The following RBM20 variants were observed in gnomAD, a reference collection of about 807,000 sequenced individuals.
RBM20 encodes RNA-binding protein 20.
In RBM20, 51 loss-of-function variants were observed where a neutral mutation model predicts 110.1. The observed-to-expected ratio is 0.46, with a 90% CI of 0.37 to 0.59. RBM20 has a LOEUF of 0.59. Ranked by LOEUF, RBM20 falls within the 20% of genes least tolerant of loss-of-function variation. The pLI is 0.00. For synonymous variants in RBM20, 589 were observed against 618.2 expected, an observed-to-expected ratio of 0.95 and a Z score of 0.70; for missense variants, 1,512 against 1,574.9, an observed-to-expected ratio of 0.96 and a Z score of 0.68.
At position 110,815,072 on chromosome 10, in the gene RBM20, A is replaced by G. The variant is rs1173185304; in HGVS notation, c.2550+2125A>G. On this transcript the variant is annotated intron_variant, in intron 9 of 13. Transcript: ENST00000369519. Reference sequence around the variant, plus strand: ...CAGGCAATCAGGAATGCTAAAATGAATTTGCTAATAGGTGTAAAAGTGGCC... The same window carrying G: ...CAGGCAATCAGGAATGCTAAAATGAGTTTGCTAATAGGTGTAAAAGTGGCC... Among the ~76,000 whole-genome samples, 55 of 152,338 alleles carry G rather than the reference A, an allele frequency of 3.6e-4. 1 individual carries two copies. Among genetic ancestry groups the G allele is most frequent in the East Asian group, 1.9e-4 (1 of 5,192 alleles).
intron 8 of RBM20, 45 bp from the exon 9 acceptor site, chr10:110,812,233 G>T (rs192500898): frequency 6.8e-7 from 1 of 1,473,888 alleles, no homozygotes; most frequent in South Asian, 1.3e-5. Flanking sequence ...GGGGTGGGAT[G>T]GGAGGTGTGA....
intron 1 of RBM20, among the ~76,000 whole-genome samples, chr10:110,671,107 A>C (rs539423232): frequency 6.6e-6 from 1 of 152,224 alleles, no homozygotes; most frequent in Admixed American, 6.5e-5. Flanking sequence ...AACGTCTCCA[A>C]TCAGGAAACA....
chr10:110,722,918 C>T (rs1843524386), intron 1 of RBM20, among the ~76,000 whole-genome samples: 1 of 152,012 alleles, frequency 6.6e-6, no homozygotes, highest in South Asian at 2.1e-4. Flanking sequence ...TTGAGATTAG[C>T]CTGGCCAAAA....
At chr10:110,757,737 G>A (rs557704171) in intron 1 of RBM20, among the ~76,000 whole-genome samples, 1 of 152,294 alleles carries the variant, frequency 6.6e-6, no homozygotes, top group African/African-American at 2.4e-5. Context: ...TGTTCCTAGA[G>A]GAGAATTAGA....
chr10:110,821,349 A>G lies in RBM20; in HGVS notation c.2730A>G (p.Thr910=). Residue 910 remains threonine (T), a synonymous_variant, in exon 11 of 14, where the codon ACA becomes ACG. Transcript: ENST00000369519. ...WYPTNMEELV[T]VDEVGEEEDF... is the part of the protein sequence containing the mutation. ...CCACTAACATGGAGGAGCTGGTGAC[A>G]GTGGACGAGGTTGGGGAAGAAGAAG... is the stretch of plus-strand genomic sequence containing the variant. 1 of 1,551,778 alleles carries G rather than the reference A, an allele frequency of 6.4e-7. No individual in the cohort carries two copies. Among genetic ancestry groups the G allele is most frequent in the African/African-American group, 1.4e-5 (1 of 73,186 alleles).
chr10:110,741,828 C>A (rs1304286938), intron 1 of RBM20, among the ~76,000 whole-genome samples: 1 of 152,040 alleles, frequency 6.6e-6, no homozygotes, highest in Non-Finnish European at 1.5e-5. Flanking sequence ...CCTCCCTCCC[C>A]AGGAGAGCCC....
chr10:110,740,759 T>C lies in RBM20; in HGVS notation c.192-40042T>C, dbSNP rs542316195. Among the ~76,000 whole-genome samples, 5 of 152,310 alleles carry C rather than the reference T, an allele frequency of 3.3e-5. No homozygotes were observed. The South Asian group carries it at 1.0e-3, about 32-fold the overall frequency. On this transcript the variant is annotated intron_variant, in intron 1 of 13. Coordinates refer to ENST00000369519, the MANE Select transcript of RBM20 (RefSeq NM_001134363.3). ...AGGATGGCAGCAGATATAACATCAT[T>C]ATGTGTGTGAAAACATACAAAGACA...
rs1193318009 is a variant in RBM20 at position 110,647,451 on chromosome 10, ATAAT to A, written c.191+2811_191+2814del. Among the ~76,000 whole-genome samples the A allele has an allele frequency of 3.3e-5, 5 of 152,188 alleles. No homozygotes were observed. In the South Asian group the frequency reaches 8.3e-4, roughly 25 times the overall value. Reference sequence around the variant, plus strand: ...GATTATCAGCCATGTATAGACACAGATAATTAATATTTTATAAGATTTTTATTTT... The same window carrying A: ...GATTATCAGCCATGTATAGACACAGATAATATTTTATAAGATTTTTATTTT... On this transcript the variant is annotated intron_variant, in intron 1 of 13. Transcript: ENST00000369519.
chr10:110,789,163 G>A (rs1220145230), intron 5 of RBM20, among the ~76,000 whole-genome samples: 1 of 152,216 alleles, frequency 6.6e-6, no homozygotes, highest in African/African-American at 2.4e-5. Context: ...ACTAATGTCT[G>A]TGGAGCGAAG....
chr10:110,654,135 C>T (rs1396931334), intron 1 of RBM20, among the ~76,000 whole-genome samples: 1 of 152,198 alleles, frequency 6.6e-6, no homozygotes, highest in Non-Finnish European at 1.5e-5. Context: ...CTCTGAATAT[C>T]TATGTTCCAA....
chr10:110,721,161 T>TCTTCCTCAGC (rs1281845938), intron 1 of RBM20, among the ~76,000 whole-genome samples: 1 of 152,178 alleles, frequency 6.6e-6, no homozygotes, highest in African/African-American at 2.4e-5. Context: ...CCTTCCTCAG[T>TCTTCCTCAGC]CTTCCTCAGC....
At chr10:110,782,037 G>A (rs183577535) in intron 2 of RBM20, among the ~76,000 whole-genome samples, 153 bp downstream of exon 2, 24 of 152,362 alleles carry the variant, frequency 1.6e-4, no homozygotes, top group Non-Finnish European at 2.4e-4. Flanking sequence ...ACAGGTATTA[G>A]GACCCATAGG....
rs1845126630 is a variant in RBM20, at chr10:110,836,213, G to C, written c.*235G>C. 2.9e-6 allele frequency: 1 copy of C among 342,358 alleles called. No homozygotes were observed. Among genetic ancestry groups the C allele is most frequent in the Non-Finnish European group, 5.2e-6 (1 of 190,596 alleles). 21.2% of individuals were successfully genotyped at this position (342,358 alleles called of 1,614,324 possible). On this transcript the variant is annotated 3_prime_UTR_variant, in exon 14 of 14. Transcript: ENST00000369519. ...GAGGGTCACCAACTCTCTCCCTGCT[G>C]ACTCTTGTTTCTCTCAATCTTTCAA...
chr10:110,646,829 T>C (rs1861875367), intron 1 of RBM20, among the ~76,000 whole-genome samples: 1 of 152,252 alleles, frequency 6.6e-6, no homozygotes. Context: ...GGAGCTACTG[T>C]GCTCGGCTGC....
At position 110,644,571 on chromosome 10, in the gene RBM20, A is replaced by G. The variant is rs1223970108; in HGVS notation, c.117A>G (p.Arg39=). 1.3e-6 allele frequency: 2 copies of G among 1,526,260 alleles called. No homozygotes were observed. The highest frequency in any genetic ancestry group is 4.1e-5 in the Admixed American group (2 of 49,380). The allele number at this position is 1,526,260 out of a possible 1,614,324, so 94.5% of individuals were successfully genotyped here. ...CGTCCCCGGCACCCTCCGGCCCGCG[A>G]GGGATGCAGCAGCCGCCGCCGCCGC... ...ARASPAPSGP[R]GMQQPPPPPQ... The change falls in exon 1 of 14, where the codon CGA becomes CGG. Residue 39 remains arginine, a synonymous_variant. Coordinates refer to ENST00000369519, the MANE Select transcript of RBM20 (RefSeq NM_001134363.3). The surrounding 1 kb of genome is among the most constrained non-coding windows in gnomAD (Gnocchi z 4.3).
At chr10:110,806,183 G>A (rs7894818) in intron 7 of RBM20, among the ~76,000 whole-genome samples, 144,739 of 151,882 alleles carry the variant, frequency 0.95, 69,036 homozygotes, top group Non-Finnish European at 0.97. Flanking sequence ...CAGGAGAATC[G>A]CTTGAACCCA....
rs977645949 is a variant in RBM20 at position 110,781,028 on chromosome 10, C to A, written c.419C>A (p.Pro140Gln). 1.3e-6 allele frequency: 2 copies of A among 1,551,924 alleles called. No individual in the cohort carries two copies. Among genetic ancestry groups the A allele is most frequent in the East Asian group, 4.9e-5 (2 of 40,918 alleles). The change falls in exon 2 of 14, where the codon CCG (proline) becomes CAG (glutamine). Residue 140 changes from proline (P) to glutamine (Q), a missense_variant. Around this residue, in one of 3 missense-constraint regions of RBM20, gnomAD observed 1,149 missense variants for 1,169.4 expected, o/e 0.98. Transcript: ENST00000369519. ...SQPLFNQLRH[P>Q]SVITGPHGHA... ...CCTCTCTTCAATCAACTGAGGCATC[C>A]GTCTGTGATCACTGGCCCCCACGGC...
chr10:110,835,339 CTT>C (rs35808301), intron 13 of RBM20: 2,869 of 104,106 alleles, frequency 0.028, 40 homozygotes, highest in African/African-American at 0.055. Context: ...TTTTTTTTTT[CTT>C]TTTTTTTTTT....
rs1262900287 is a variant in RBM20, at chr10:110,713,861, G to T, written c.192-66940G>T. Reference sequence around the variant, plus strand: ...TCCCGGGCTCCTTATCCCTGTGCCAGTGCGTTTTCCAGCCTACTAAGGACT... The same window carrying T: ...TCCCGGGCTCCTTATCCCTGTGCCATTGCGTTTTCCAGCCTACTAAGGACT... On this transcript the variant is annotated intron_variant, in intron 1 of 13. Transcript: ENST00000369519. Among the ~76,000 whole-genome samples, 3 of 152,184 alleles carry T rather than the reference G, an allele frequency of 2.0e-5. No homozygotes were observed. The East Asian group carries it at 5.8e-4, about 29-fold the overall frequency.
Sources: allele counts gnomAD v4.1 joint callset (sites outside exome capture counted in the v4.1 genomes callset), GRCh38; gene constraint gnomAD v4.1.1; regional missense constraint gnomAD v4.1.1; non-coding constraint Gnocchi (gnomAD v3.1); transcripts MANE v1.5; gene names NCBI Gene and HGNC (gene_info 2026-07-23, HGNC 2026-07-21).